UNC13C: variants seen among roughly 807,000 people sequenced by gnomAD.
UNC13C encodes the protein protein unc-13 homolog C.
UNC13C carries 174 observed loss-of-function variants against 245.4 expected under a neutral mutation model. That is an observed-to-expected ratio of 0.71 (90% confidence interval 0.63 to 0.80). The LOEUF is 0.80. Ranked by LOEUF, UNC13C falls within the 30% of genes least tolerant of loss-of-function variation. The pLI, the probability that UNC13C is intolerant of heterozygous loss-of-function variation, is 0.00. For synonymous variants in UNC13C, 992 were observed against 895.1 expected (o/e 1.11, Z -1.93); for missense variants, 2,829 against 2,602.9 (o/e 1.09, Z -1.89).
intron 19 of UNC13C, among the ~76,000 whole-genome samples, chr15:54,492,521 A>G (rs991974528): frequency 6.6e-6 from 1 of 152,200 alleles, no homozygotes; most frequent in African/African-American, 2.4e-5. Context: ...AAATTTAAAC[A>G]TAATATGAAT....
chr15:54,577,021 A>G (rs1292618920), intron 30 of UNC13C, among the ~76,000 whole-genome samples: 3 of 152,176 alleles, frequency 2.0e-5, no homozygotes, highest in Non-Finnish European at 4.4e-5. Flanking sequence ...TGTAGCAACT[A>G]TGTTTGTGGT....
intron 14 of UNC13C, among the ~76,000 whole-genome samples, chr15:54,329,028 T>C (rs2038369079): frequency 6.6e-6 from 1 of 151,616 alleles, no homozygotes; most frequent in East Asian, 2.0e-4. Context: ...TAGCCCTTTG[T>C]AGATAGTTTG....
chr15:53,869,230 G>A, the UNC13C span, among the ~76,000 whole-genome samples: 3 of 152,322 alleles, frequency 2.0e-5, no homozygotes, highest in East Asian at 5.8e-4. Flanking sequence ...CTGCAGTTAC[G>A]TGGATGGCCA....
chr15:53,920,554 AAATAAT>A, the UNC13C span, among the ~76,000 whole-genome samples: 1 of 152,102 alleles, frequency 6.6e-6, no homozygotes, highest in Non-Finnish European at 1.5e-5. Context: ...ACTGTCTCAA[AAATAAT>A]AATAAATAAA....
intron 17 of UNC13C, among the ~76,000 whole-genome samples, chr15:54,362,756 A>C (rs1483146727): frequency 6.6e-6 from 1 of 152,184 alleles, no homozygotes; most frequent in Non-Finnish European, 1.5e-5. Flanking sequence ...CATCTACTGC[A>C]TGACTCAGAC....
intron 19 of UNC13C, among the ~76,000 whole-genome samples, chr15:54,415,893 G>A (rs576651703): frequency 3.9e-5 from 6 of 152,268 alleles, no homozygotes; most frequent in South Asian, 2.1e-4. Flanking sequence ...GGGGCTAGGG[G>A]ACAAGGCAGG....
chr15:54,022,025 T>C (rs1255800049), intron 2 of UNC13C, among the ~76,000 whole-genome samples: 1 of 152,214 alleles, frequency 6.6e-6, no homozygotes, highest in Admixed American at 6.5e-5. Context: ...GGTCAAGCAA[T>C]GACAAAATCA....
chr15:54,599,163 A>G (rs963482371), intron 30 of UNC13C, among the ~76,000 whole-genome samples: 1 of 152,070 alleles, frequency 6.6e-6, no homozygotes, highest in African/African-American at 2.4e-5. Context: ...TCACACATAT[A>G]TAGGTAGAGA....
At chr15:54,359,392 T>C (rs1309671325) in intron 17 of UNC13C, among the ~76,000 whole-genome samples, 1 of 151,944 alleles carries the variant, frequency 6.6e-6, no homozygotes, top group African/African-American at 2.4e-5. Context: ...TTGAGAAAAG[T>C]TAATATGTGT....
At chr15:54,039,573 A>G (rs1437959437) in intron 2 of UNC13C, among the ~76,000 whole-genome samples, 1 of 151,886 alleles carries the variant, frequency 6.6e-6, no homozygotes, top group Non-Finnish European at 1.5e-5. Flanking sequence ...GCAGTGTTCC[A>G]GGGCTCAGTT....
At chr15:54,432,038 T>C (rs1022658553) in intron 19 of UNC13C, among the ~76,000 whole-genome samples, 3 of 151,594 alleles carry the variant, frequency 2.0e-5, no homozygotes, top group Non-Finnish European at 3.0e-5. Context: ...TTTTTAAAGA[T>C]ATGATTTCTA....
rs1279022254 is a variant in UNC13C at position 54,552,651 on chromosome 15, TA to T, written c.5878-2779del. Among the ~76,000 whole-genome samples, 155 of 81,380 alleles carry T rather than the reference TA, an allele frequency of 1.9e-3. 13 individuals carry two copies. Among genetic ancestry groups the T allele is most frequent in the African/African-American group, 9.1e-3 (150 of 16,484 alleles). 53.4% of individuals were successfully genotyped at this position (81,380 alleles called of 152,430 possible). A position where few individuals can be genotyped will look rare whatever the true frequency, so the allele number is the denominator to read the frequency against. On this transcript the variant is annotated intron_variant, in intron 28 of 32. Transcript: ENST00000260323. ...TATTGTACAATATAATATAATTATA[TA>T]ATTATATTATATTGTACTATATAAT...
At chr15:54,238,076 G>GAT in intron 7 of UNC13C, among the ~76,000 whole-genome samples, 1 of 115,838 alleles carries the variant, frequency 8.6e-6, no homozygotes, top group Non-Finnish European at 1.6e-5. Flanking sequence ...ACTTTTATAG[G>GAT]TTTTTTTTTT....
At chr15:54,010,854 G>T (rs1306865221) in intron 1 of UNC13C, among the ~76,000 whole-genome samples, 1 of 152,086 alleles carries the variant, frequency 6.6e-6, no homozygotes, top group Non-Finnish European at 1.5e-5. Context: ...CTGGGTATAT[G>T]CTGTGGGCAA....
intron 13 of UNC13C, among the ~76,000 whole-genome samples, chr15:54,314,230 C>A (rs2140967975): frequency 6.6e-6 from 1 of 151,698 alleles, no homozygotes; most frequent in South Asian, 2.1e-4. Flanking sequence ...ATTCATTTTA[C>A]AACATGGTGA....
At chr15:54,585,794 G>T (rs940204814) in intron 30 of UNC13C, among the ~76,000 whole-genome samples, 2 of 152,118 alleles carry the variant, frequency 1.3e-5, no homozygotes, top group Non-Finnish European at 2.9e-5. Context: ...ATAACAAGCA[G>T]ATATAACCTT....
At chr15:54,364,364 T>G (rs1011752820) in intron 17 of UNC13C, among the ~76,000 whole-genome samples, 1 of 152,176 alleles carries the variant, frequency 6.6e-6, no homozygotes, top group Non-Finnish European at 1.5e-5. Context: ...ATTTTATTTA[T>G]AAGTATTTAC....
rs1317710450 is a variant in UNC13C at position 54,401,175 on chromosome 15, ATTCTT to A, written c.4847+8004_4847+8008del. On this transcript the variant is annotated intron_variant, in intron 18 of 32. Transcript: ENST00000260323. ...CTTTTAACCTAAAGTATTTTATCTC[ATTCTT>A]TTCTTTTCTGCTCTATTGAACTTTT... 6.6e-5 allele frequency among the ~76,000 whole-genome samples: 10 copies of A among 152,254 alleles called. No individual in the cohort carries two copies. The East Asian group carries it at 1.9e-3, about 29-fold the overall frequency.
intron 2 of UNC13C, among the ~76,000 whole-genome samples, chr15:54,127,738 AAT>A (rs1188868831): frequency 7.9e-6 from 1 of 126,102 alleles, no homozygotes; most frequent in African/African-American, 3.0e-5. Context: ...ATATATATTA[AAT>A]ATATATTTCA....
Sources: gnomAD v4.1 joint callset for allele counts (sites outside exome capture counted in the v4.1 genomes callset) on GRCh38, gnomAD v4.1.1 for gene constraint, MANE v1.5 for transcripts, NCBI Gene and HGNC (gene_info 2026-07-23, HGNC 2026-07-21) for gene names.